Variants in CFAP300 observed in about 807,000 individuals in gnomAD.
CFAP300 encodes the protein cilia and flagella associated protein 300, also known as cilia- and flagella-associated protein 300.
CFAP300 carries 32 observed loss-of-function variants against 33.0 expected under a neutral mutation model. That is an observed-to-expected ratio of 0.97 (90% CI 0.73 to 1.30). CFAP300 has a LOEUF of 1.30. Ranked by LOEUF, CFAP300 falls within the 50% of genes most tolerant of loss-of-function variation. The pLI is 0.00. For missense variants in CFAP300, 356 were observed against 318.1 expected (o/e 1.12, Z -0.90); for synonymous variants, 102 against 106.8 (o/e 0.95, Z 0.28).
At chr11:102,077,666 C>G (rs377291632) in intron 5 of CFAP300, among the ~76,000 whole-genome samples, 1 of 152,180 alleles carries the variant, frequency 6.6e-6, no homozygotes, top group Non-Finnish European at 1.5e-5. Context: ...CCTCCACCTC[C>G]TGGGTTCAAG....
chr11:102,047,705 T>G, intron 1 of CFAP300, 110 bp from the exon 2 acceptor site: 1 of 1,468,444 alleles, frequency 6.8e-7, no homozygotes, highest in Non-Finnish European at 9.2e-7. Flanking sequence ...GCTTCCTGAG[T>G]GAACCCCGAA....
At chr11:102,055,361 C>CTTTTTTTTTT (rs561779599) in intron 2 of CFAP300, among the ~76,000 whole-genome samples, 6,933 of 112,746 alleles carry the variant, frequency 0.061, 686 homozygotes, top group African/African-American at 0.11. Flanking sequence ...ATGCGTTACT[C>CTTTTTTTTTT]TTTTTTTTTT....
chr11:102,057,941 T>A (rs1942084270), intron 2 of CFAP300: 1 of 152,300 alleles, frequency 6.6e-6, no homozygotes, highest in Admixed American at 6.5e-5. Flanking sequence ...CCATCCTCGA[T>A]GTACCTGATA....
chr11:102,083,016 T>G, intron 6 of CFAP300, 55 bp from the exon 7 acceptor site: 1 of 943,924 alleles, frequency 1.1e-6, no homozygotes, highest in East Asian at 5.0e-5. Flanking sequence ...TAATAATAAA[T>G]ATATAAATAC....
intron 2 of CFAP300, among the ~76,000 whole-genome samples, chr11:102,049,382 G>A (rs903719050): frequency 2.6e-5 from 4 of 152,092 alleles, no homozygotes; most frequent in East Asian, 1.9e-4. Flanking sequence ...TAAGGGCCCC[G>A]CATAACCTCA....
rs1297136600 is a variant in CFAP300 at position 102,066,591 on chromosome 11, T to C, written c.375T>C (p.His125=). The change falls in exon 4 of 7, where the codon CAT becomes CAC. Residue 125 remains histidine (H), a synonymous_variant. Coordinates refer to ENST00000434758, the MANE Select transcript of CFAP300 (RefSeq NM_032930.3). ...YDEDIVRDSG[H]IVKCLDSFCD... ...AAGATATTGTACGAGACAGTGGACA[T>C]ATTGTTAAATGTTTAGATTCTTTTT... The C allele has an allele frequency of 4.3e-6, 7 of 1,610,762 alleles. No homozygotes were observed. Among genetic ancestry groups the C allele is most frequent in the South Asian group, 2.2e-5 (2 of 90,010 alleles).
chr11:102,078,648 C>G (rs1425620228), intron 5 of CFAP300, among the ~76,000 whole-genome samples: 1 of 152,116 alleles, frequency 6.6e-6, no homozygotes, highest in Non-Finnish European at 1.5e-5. Context: ...CTATTAGAAA[C>G]TAACGTCTAA....
Position 102,064,979 on chromosome 11 carries a change from C to T in CFAP300, c.269-1506C>T, listed in dbSNP as rs114499487. On this transcript the variant is annotated intron_variant, in intron 3 of 6. Transcript: ENST00000434758. Reference sequence around the variant, plus strand: ...TACAAGAGAAAAATAGACAAAATGCCGTTATTTCAGTTTTCTGTAATTCTG... The same window carrying T: ...TACAAGAGAAAAATAGACAAAATGCTGTTATTTCAGTTTTCTGTAATTCTG... Among the ~76,000 whole-genome samples the T allele has an allele frequency of 2.7e-3, 406 of 152,076 alleles. 2 individuals carry two copies. The highest frequency in any genetic ancestry group is 9.0e-3 in the African/African-American group (375 of 41,482).
rs1467680000 is a variant in CFAP300, at chr11:102,050,261, G to T, written c.192+2365G>T. ...ATTAATCTTTACAACAATCTGCCAG[G>T]TTTGGTGTTCTGACTCCCATTTTAT... On this transcript the variant is annotated intron_variant, in intron 2 of 6. Transcript: ENST00000434758. Among the ~76,000 whole-genome samples the T allele has an allele frequency of 2.0e-5, 3 of 152,092 alleles. 1 individual carries two copies. Among genetic ancestry groups the T allele is most frequent in the Middle Eastern group, 6.3e-3 (2 of 316 alleles).
chr11:102,059,385 A>C (rs889202132), intron 3 of CFAP300, among the ~76,000 whole-genome samples: 13 of 151,910 alleles, frequency 8.6e-5, no homozygotes, highest in Non-Finnish European at 1.8e-4. Flanking sequence ...ATGGTGGCTC[A>C]CGTCTGTAAT....
chr11:102,070,611 C>CT (rs1942299844), intron 4 of CFAP300, among the ~76,000 whole-genome samples: 1 of 152,022 alleles, frequency 6.6e-6, no homozygotes, highest in South Asian at 2.1e-4. Flanking sequence ...TTTGTTCTTG[C>CT]TTTTTTAGTT....
chr11:102,064,392 A>G (rs764546746), intron 3 of CFAP300, among the ~76,000 whole-genome samples: 2 of 152,020 alleles, frequency 1.3e-5, no homozygotes, highest in Admixed American at 1.3e-4. Flanking sequence ...ATCATTTCCT[A>G]TGGTCTCCTT....
chr11:102,048,019 T>C, intron 2 of CFAP300, 123 bp downstream of exon 2: 1 of 813,402 alleles, frequency 1.2e-6, no homozygotes, highest in Non-Finnish European at 1.9e-6. Flanking sequence ...CGTTTGGGAG[T>C]AATAAAAGGT....
chr11:102,047,722 G>A (rs980789178), intron 1 of CFAP300, 93 bp from the exon 2 acceptor site: 10 of 1,499,382 alleles, frequency 6.7e-6, no homozygotes, highest in Non-Finnish European at 4.5e-6. Context: ...CGAACCACCC[G>A]GGAAGGGCGG....
chr11:102,064,487 T>A (rs756947410), intron 3 of CFAP300, among the ~76,000 whole-genome samples: 1 of 152,242 alleles, frequency 6.6e-6, no homozygotes, highest in Non-Finnish European at 1.5e-5. Flanking sequence ...TACTGAGGCA[T>A]ACACAGTTCC....
intron 3 of CFAP300, among the ~76,000 whole-genome samples, chr11:102,065,439 G>C (rs556662222): frequency 6.6e-6 from 1 of 151,896 alleles, no homozygotes; most frequent in East Asian, 1.9e-4. Flanking sequence ...ATGTTTTCAA[G>C]ATACACTCAA....
chr11:102,076,663 A>G (rs1000947860), intron 5 of CFAP300, among the ~76,000 whole-genome samples: 4 of 152,228 alleles, frequency 2.6e-5, no homozygotes, highest in Non-Finnish European at 4.4e-5. Flanking sequence ...GCAAAACAAT[A>G]GAAAGCAAAA....
chr11:102,078,709 G>T (rs575300637), intron 5 of CFAP300, among the ~76,000 whole-genome samples: 3 of 150,594 alleles, frequency 2.0e-5, no homozygotes, highest in South Asian at 2.1e-4. Context: ...TTTTTGTTTT[G>T]TTTTTTTTTA....
intron 1 of CFAP300, 80 bp from the exon 2 acceptor site, chr11:102,047,735 G>C: frequency 6.5e-7 from 1 of 1,530,026 alleles, no homozygotes; most frequent in Non-Finnish European, 8.9e-7. Flanking sequence ...AAGGGCGGAT[G>C]CTGTGGGTGG....
Sources: allele counts gnomAD v4.1 joint callset (sites outside exome capture counted in the v4.1 genomes callset), GRCh38; gene constraint gnomAD v4.1.1; transcripts MANE v1.5; gene names NCBI Gene and HGNC (gene_info 2026-07-23, HGNC 2026-07-21).